SP1: variants seen among roughly 807,000 people sequenced by gnomAD.
SP1 encodes the protein transcription factor Sp1.
A neutral mutation model predicts 66.3 loss-of-function variants in SP1; 6 were observed. The ratio of observed to expected loss-of-function variants is 0.09; its 90% CI spans 0.05 to 0.18. The LOEUF is 0.18. SP1 is among the 10% of genes least tolerant of loss of function. The pLI, the probability that SP1 is intolerant of heterozygous loss-of-function variation, is 1.00. For missense variants in SP1, 848 were observed against 964.5 expected (o/e 0.88, Z 1.60); for synonymous variants, 417 against 360.8 (o/e 1.16, Z -1.77).
At chr12:53,380,400 A>AGGT in intron 1 of SP1, 102 bp downstream of exon 1, 3 of 1,061,498 alleles carry the variant, frequency 2.8e-6, no homozygotes, top group African/African-American at 1.7e-5. Flanking sequence ...GGCGGGCGGG[A>AGGT]GGCGGCGGCG....
intron 1 of SP1, 99 bp downstream of exon 1, chr12:53,380,397 GGGA>G: frequency 1.8e-6 from 2 of 1,117,374 alleles, no homozygotes; most frequent in Non-Finnish European, 2.4e-6. Flanking sequence ...GGGGGCGGGC[GGGA>G]GGCGGCGGCG....
intron 3 of SP1, among the ~76,000 whole-genome samples, chr12:53,399,279 G>C (rs1938554567): frequency 6.6e-6 from 1 of 152,106 alleles, no homozygotes; most frequent in Admixed American, 6.6e-5. Flanking sequence ...CTCCCGAGTA[G>C]CTGGGACTAC....
chr12:53,398,917 A>G (rs1024528029), intron 3 of SP1, among the ~76,000 whole-genome samples: 1 of 152,190 alleles, frequency 6.6e-6, no homozygotes, highest in African/African-American at 2.4e-5. Context: ...TTTGGTGAAC[A>G]TCCTTCCAGC....
At chr12:53,387,646 G>T (rs1174996681) in intron 3 of SP1, among the ~76,000 whole-genome samples, 1 of 152,016 alleles carries the variant, frequency 6.6e-6, no homozygotes, top group East Asian at 1.9e-4. Context: ...CTAGTCTAGG[G>T]TGCAACCTGT....
At position 53,414,737 on chromosome 12, in the gene SP1, C is replaced by T. The variant is rs1938962542; in HGVS notation, c.*3497C>T. The stretch of plus-strand genomic sequence containing the variant: ...TGTGTGAATACTGGAAGCTGCAGAT[C>T]TTTGCTAGGACGCAATAAATTTATA... On this transcript the variant is annotated 3_prime_UTR_variant, in exon 6 of 6. Coordinates refer to ENST00000327443, the MANE Select transcript of SP1 (RefSeq NM_138473.3). 1 of 152,590 alleles carries T rather than the reference C, an allele frequency of 6.6e-6. No individual in the cohort carries two copies. The highest frequency in any genetic ancestry group is 1.5e-5 in the Non-Finnish European group (1 of 68,024). The allele number at this position is 152,590 out of a possible 1,614,324, so 9.5% of individuals were successfully genotyped here.
chr12:53,383,611 C>G lies in SP1; in HGVS notation c.1664C>G (p.Ala555Gly). 6.2e-7 allele frequency: 1 copy of G among 1,603,960 alleles called. No homozygotes were observed. Among genetic ancestry groups the G allele is most frequent in the Non-Finnish European group, 8.5e-7 (1 of 1,175,068 alleles). Residue 555 changes from alanine (A) to glycine (G), a missense_variant, in exon 3 of 6, where the codon GCA becomes GGA. Physicochemically the swap from Ala to Gly is moderately conservative, Grantham distance 60 (BLOSUM62 0). This residue lies in a region of SP1 where 606 missense variants were observed against 589.9 expected (regional missense o/e 1.03). Transcript: ENST00000327443. The part of the protein sequence containing the change: ...HPIQGLPLAI[A>G]NAPGDHGAQL... ...ATTCAAGGCCTGCCGTTGGCTATAG[C>G]AAATGCCCCAGGTAAGATTTCCAAT... is the stretch of plus-strand genomic sequence containing the variant.
intron 4 of SP1, among the ~76,000 whole-genome samples, chr12:53,407,331 A>AT (rs796124729): frequency 4.6e-4 from 62 of 133,408 alleles, no homozygotes; most frequent in African/African-American, 6.8e-4. Context: ...AAAAAAAAAA[A>AT]TTTTTTTTTT....
At chr12:53,399,009 A>G (rs1163654829) in intron 3 of SP1, among the ~76,000 whole-genome samples, 1 of 152,226 alleles carries the variant, frequency 6.6e-6, no homozygotes, top group Admixed American at 6.6e-5. Flanking sequence ...TGATCATACT[A>G]TCCACAGTGC....
chr12:53,395,078 T>C (rs1392909420), intron 3 of SP1, among the ~76,000 whole-genome samples: 2 of 152,098 alleles, frequency 1.3e-5, no homozygotes, highest in Non-Finnish European at 1.5e-5. Flanking sequence ...CAGTGGCTCA[T>C]GTCTGTAATC....
chr12:53,382,540 A>G lies in SP1; in HGVS notation c.593A>G (p.Gln198Arg), dbSNP rs1477146258. The G allele has an allele frequency of 1.2e-6, 2 of 1,614,190 alleles. No homozygotes were observed. The highest frequency in any genetic ancestry group is 1.7e-5 in the Admixed American group (1 of 60,022). ...GCTGCCACTGGGGCCCAAGTGCAGC[A>G]GGATGGTTCTGGTCAAATACAGATC... Reference protein sequence around the residue: ...QFAATGAQVQQDGSGQIQIIP... With the variant: ...QFAATGAQVQRDGSGQIQIIP... The change falls in exon 3 of 6, where the codon CAG (glutamine) becomes CGG (arginine). Residue 198 changes from glutamine (Q) to arginine (R), a missense_variant. Physicochemically the swap from Gln to Arg is conservative, Grantham distance 43 (BLOSUM62 1). Transcript: ENST00000327443.
chr12:53,391,427 C>T (rs144170134), intron 3 of SP1, among the ~76,000 whole-genome samples: 1,477 of 143,424 alleles, frequency 0.01, 9 homozygotes, highest in Admixed American at 0.017. Context: ...TGGGTTCAAG[C>T]GATTCTCCTC....
chr12:53,400,808 CT>C (rs1219064251), intron 3 of SP1, among the ~76,000 whole-genome samples: 1 of 139,592 alleles, frequency 7.2e-6, no homozygotes, highest in African/African-American at 2.7e-5. Context: ...GTCGCCCAGG[CT>C]GCAGTGAAGT....
rs559580095 is a variant in SP1, at chr12:53,407,648, T to G, written c.1844+895T>G. ...CAAAAAAATTTATTTATTTATTTTT[T>G]TGTTTTGAGATGGAGTCTTGCTCTG... On this transcript the variant is annotated intron_variant, in intron 4 of 5. Coordinates refer to ENST00000327443, the MANE Select transcript of SP1 (RefSeq NM_138473.3). Among the ~76,000 whole-genome samples, 5 of 150,380 alleles carry G rather than the reference T, an allele frequency of 3.3e-5. No individual in the cohort carries two copies. The South Asian group carries it at 1.1e-3, about 32-fold the overall frequency.
chr12:53,394,259 T>C (rs1016373884), intron 3 of SP1, among the ~76,000 whole-genome samples: 1 of 152,004 alleles, frequency 6.6e-6, no homozygotes, highest in Non-Finnish European at 1.5e-5. Context: ...CTTTGACTGG[T>C]TTCTTGCACT....
intron 3 of SP1, among the ~76,000 whole-genome samples, chr12:53,395,952 T>G (rs1938477691): frequency 6.6e-6 from 1 of 151,866 alleles, no homozygotes; most frequent in African/African-American, 2.4e-5. Flanking sequence ...AAACTCCATC[T>G]CTACTAAAAA....
intron 3 of SP1, among the ~76,000 whole-genome samples, chr12:53,386,900 G>A (rs1055149742): frequency 5.5e-5 from 8 of 146,148 alleles, no homozygotes; most frequent in Non-Finnish European, 1.0e-4. Flanking sequence ...ACGGAAAATA[G>A]TTTAATATCA....
At chr12:53,400,595 G>GT (rs891730372) in intron 3 of SP1, among the ~76,000 whole-genome samples, 3 of 151,872 alleles carry the variant, frequency 2.0e-5, no homozygotes, top group Non-Finnish European at 4.4e-5. Flanking sequence ...GTTTTGTTTT[G>GT]TTTTTTGGGT....
intron 3 of SP1, among the ~76,000 whole-genome samples, chr12:53,405,982 A>C (rs992738619): frequency 1.1e-4 from 14 of 126,820 alleles, no homozygotes; most frequent in African/African-American, 4.7e-4. Flanking sequence ...TGTACCGTAA[A>C]ACTTAAAGTA....
At chr12:53,393,939 G>A (rs1364841957) in intron 3 of SP1, among the ~76,000 whole-genome samples, 4 of 151,900 alleles carry the variant, frequency 2.6e-5, no homozygotes, top group Non-Finnish European at 5.9e-5. Context: ...GGTGGGCCAG[G>A]TGTGGTGCCT....
Sources: gnomAD v4.1 joint callset for allele counts (sites outside exome capture counted in the v4.1 genomes callset) on GRCh38, gnomAD v4.1.1 for gene constraint, gnomAD v4.1.1 regional missense constraint, MANE v1.5 for transcripts, NCBI Gene and HGNC (gene_info 2026-07-23, HGNC 2026-07-21) for gene names.